Variants in RFFL observed in about 807,000 individuals in gnomAD.
RFFL encodes the protein ring finger and FYVE like domain containing E3 ubiquitin protein ligase, also known as E3 ubiquitin-protein ligase rififylin.
In RFFL, 16 loss-of-function variants were observed where a neutral mutation model predicts 40.4. The ratio of observed to expected loss-of-function variants is 0.40; its 90% CI spans 0.27 to 0.60. RFFL has a LOEUF of 0.60. Among genes scored for constraint, RFFL ranks in the 20% least tolerant of loss-of-function variants. The pLI is 0.47. For missense variants in RFFL, 367 were observed against 451.7 expected, an observed-to-expected ratio of 0.81 and a Z score of 1.70; for synonymous variants, 154 against 167.9, an observed-to-expected ratio of 0.92 and a Z score of 0.64.
At chr17:35,033,553 A>G (rs2091099362) in intron 1 of RFFL, among the ~76,000 whole-genome samples, 3 of 151,976 alleles carry the variant, frequency 2.0e-5, no homozygotes, top group African/African-American at 7.3e-5. Context: ...AAATAAATAC[A>G]TAAGAAAAAG....
chr17:35,053,804 A>C (rs568884865), intron 1 of RFFL, among the ~76,000 whole-genome samples: 56 of 152,350 alleles, frequency 3.7e-4, no homozygotes, highest in African/African-American at 1.3e-3. Flanking sequence ...GATATTATTA[A>C]ATTTGATTGC....
rs78302618 is a variant in RFFL, at chr17:35,059,366, C to G, written c.-9+4210G>C. 3.8e-3 allele frequency among the ~76,000 whole-genome samples: 574 copies of G among 152,230 alleles called. 1 individual carries two copies. The highest frequency in any genetic ancestry group is 0.013 in the African/African-American group (523 of 41,542). ...ATGAGAGACCAAGAAAGAGAACTCA[C>G]AGAGAACCAAGATATCCCAGCCAAC... On this transcript the variant is annotated intron_variant, in intron 1 of 6. Coordinates refer to ENST00000394597, the MANE Select transcript of RFFL (RefSeq NM_001017368.2).
At chr17:35,038,925 G>C (rs1403910810) in intron 1 of RFFL, among the ~76,000 whole-genome samples, 1 of 152,142 alleles carries the variant, frequency 6.6e-6, no homozygotes, top group Non-Finnish European at 1.5e-5. Flanking sequence ...GTTTTGTTTT[G>C]AGATAGGGTG....
At chr17:35,041,984 C>A (rs532389883) in intron 1 of RFFL, among the ~76,000 whole-genome samples, 4 of 152,148 alleles carry the variant, frequency 2.6e-5, no homozygotes, top group Non-Finnish European at 4.4e-5. Flanking sequence ...CACTGCACTC[C>A]AGCCTGGGCC....
chr17:35,020,836 A>C (rs1011565385), intron 3 of RFFL, among the ~76,000 whole-genome samples: 4 of 152,174 alleles, frequency 2.6e-5, no homozygotes, highest in South Asian at 2.1e-4. Context: ...GATAATGAAG[A>C]AGCAGCATGC....
At chr17:35,044,331 C>T (rs1401314032) in intron 1 of RFFL, among the ~76,000 whole-genome samples, 1 of 152,224 alleles carries the variant, frequency 6.6e-6, no homozygotes, top group Non-Finnish European at 1.5e-5. Flanking sequence ...CTACCTGGGC[C>T]TCCCAAAGTG....
intron 1 of RFFL, among the ~76,000 whole-genome samples, chr17:35,060,547 G>A (rs953699830): frequency 3.9e-5 from 6 of 151,994 alleles, no homozygotes; most frequent in African/African-American, 9.7e-5. Context: ...CCTACCCAAC[G>A]CAAATAAAAC....
chr17:35,059,370 G>T (rs533968949), intron 1 of RFFL, among the ~76,000 whole-genome samples: 3 of 152,068 alleles, frequency 2.0e-5, no homozygotes, highest in African/African-American at 7.2e-5. Flanking sequence ...AACTCACAGA[G>T]AACCAAGATA....
intron 1 of RFFL, among the ~76,000 whole-genome samples, chr17:35,031,279 G>T (rs2091081433): frequency 1.3e-5 from 2 of 151,804 alleles, no homozygotes; most frequent in African/African-American, 4.9e-5. Flanking sequence ...GCTAATTTTT[G>T]TATTTTTAGT....
chr17:35,024,570 T>G (rs1567702721), intron 2 of RFFL, among the ~76,000 whole-genome samples: 1 of 152,190 alleles, frequency 6.6e-6, no homozygotes, highest in Non-Finnish European at 1.5e-5. Flanking sequence ...TCTTTAGGAC[T>G]GAAAACTCAG....
chr17:35,014,667 A>G (rs1338748841), intron 6 of RFFL, 73 bp downstream of exon 6: 2 of 1,368,494 alleles, frequency 1.5e-6, no homozygotes, highest in South Asian at 2.3e-5. Flanking sequence ...TTAGATTACT[A>G]AAGGGATTGG....
At chr17:35,047,804 T>G (rs1037333177) in intron 1 of RFFL, among the ~76,000 whole-genome samples, 26 of 151,518 alleles carry the variant, frequency 1.7e-4, no homozygotes, top group Non-Finnish European at 2.8e-4. Flanking sequence ...CAGGCTGGAA[T>G]GCAGTGGCGT....
chr17:35,059,140 T>C (rs1264820354), intron 1 of RFFL, among the ~76,000 whole-genome samples: 1 of 150,410 alleles, frequency 6.6e-6, no homozygotes, highest in Non-Finnish European at 1.5e-5. Context: ...TGCCTCGGCC[T>C]CCCAAGTAGG....
intron 1 of RFFL, chr17:35,088,779 T>G (rs983399956): frequency 6.6e-6 from 1 of 152,100 alleles, no homozygotes; most frequent in Non-Finnish European, 1.5e-5. Context: ...AGGTATCTTT[T>G]CCCCACAAGC....
At chr17:35,079,540 G>T (rs2091394404) in intron 1 of RFFL, among the ~76,000 whole-genome samples, 1 of 152,162 alleles carries the variant, frequency 6.6e-6, no homozygotes, top group Non-Finnish European at 1.5e-5. Context: ...TCAAGTAAAT[G>T]CAATTTAAGA....
intron 1 of RFFL, among the ~76,000 whole-genome samples, chr17:35,049,807 T>G (rs2091221123): frequency 6.6e-6 from 1 of 152,066 alleles, no homozygotes; most frequent in Admixed American, 6.6e-5. Context: ...ATGGGCCAGG[T>G]GTGGTAGCTC....
chr17:35,057,009 G>C (rs949437058), intron 1 of RFFL, among the ~76,000 whole-genome samples: 1 of 150,766 alleles, frequency 6.6e-6, no homozygotes. Flanking sequence ...TCCACCTCCC[G>C]GGTTCCAACA....
chr17:35,017,414 G>A, intron 4 of RFFL, 109 bp downstream of exon 4: 2 of 727,404 alleles, frequency 2.7e-6, no homozygotes, highest in Admixed American at 4.3e-5. Context: ...AATTTCGGAA[G>A]CACTATCATC....
chr17:35,040,293 C>T (rs1162407060), intron 1 of RFFL, among the ~76,000 whole-genome samples: 1 of 152,106 alleles, frequency 6.6e-6, no homozygotes. Flanking sequence ...TCCAACCACA[C>T]CTCAGGTTGC....
Sources: gnomAD v4.1 joint callset for allele counts (sites outside exome capture counted in the v4.1 genomes callset) on GRCh38, gnomAD v4.1.1 for gene constraint, MANE v1.5 for transcripts, NCBI Gene and HGNC (gene_info 2026-07-23, HGNC 2026-07-21) for gene names.